The following GSG1L variants were observed in gnomAD, a reference collection of about 807,000 sequenced individuals.
GSG1L encodes the protein GSG1 like.
In GSG1L, 24 loss-of-function variants were observed where a neutral mutation model predicts 42.1. The observed-to-expected ratio is 0.57, with a 90% CI of 0.41 to 0.80. The LOEUF (loss-of-function observed/expected upper bound fraction) is 0.80. GSG1L is among the 30% of genes least tolerant of loss of function. GSG1L has a pLI of 0.00. For missense variants in GSG1L, 445 were observed against 472.2 expected, an observed-to-expected ratio of 0.94 and a Z score of 0.53; for synonymous variants, 215 against 203.5, an observed-to-expected ratio of 1.06 and a Z score of -0.48.
chr16:27,805,980 T>TG (rs1203851391), intron 6 of GSG1L, among the ~76,000 whole-genome samples: 1 of 151,930 alleles, frequency 6.6e-6, no homozygotes, highest in African/African-American at 2.4e-5. Flanking sequence ...GCAGGGAGCC[T>TG]GGGGAGGCTC....
At chr16:28,037,732 A>G (rs1330653514) in intron 1 of GSG1L, among the ~76,000 whole-genome samples, 1 of 152,238 alleles carries the variant, frequency 6.6e-6, no homozygotes, top group East Asian at 1.9e-4. Flanking sequence ...ATCAAATTGC[A>G]ATGGACCAAA....
intron 2 of GSG1L, among the ~76,000 whole-genome samples, chr16:27,905,981 G>A (rs2141046897): frequency 6.6e-6 from 1 of 152,174 alleles, no homozygotes; most frequent in South Asian, 2.1e-4. Flanking sequence ...TCATCTGGGA[G>A]GCACCCACAA....
At chr16:27,823,586 A>G (rs560052518) in intron 5 of GSG1L, among the ~76,000 whole-genome samples, 72 of 152,240 alleles carry the variant, frequency 4.7e-4, no homozygotes, top group South Asian at 1.9e-3. Context: ...GGGCTCCAGA[A>G]AGCCCTCTCC....
At chr16:28,004,674 A>C (rs1425696974) in intron 1 of GSG1L, among the ~76,000 whole-genome samples, 1 of 152,072 alleles carries the variant, frequency 6.6e-6, no homozygotes, top group Non-Finnish European at 1.5e-5. Context: ...ACTACTCAGT[A>C]GGCTGGGGCA....
intron 6 of GSG1L, among the ~76,000 whole-genome samples, chr16:27,804,037 G>GGATAGATAGATACAGATATAGATA (rs1455236652): frequency 1.5e-5 from 2 of 132,676 alleles, no homozygotes; most frequent in African/African-American, 6.2e-5. Context: ...TAGATTAGAT[G>GGATAGATAGATACAGATATAGATA]GATAGATAGA....
chr16:28,051,957 A>G (rs1205626461), intron 1 of GSG1L, among the ~76,000 whole-genome samples: 1 of 152,158 alleles, frequency 6.6e-6, no homozygotes, highest in East Asian at 1.9e-4. Flanking sequence ...GGAGTCATCC[A>G]GGCCAGAGAC....
chr16:27,881,145 C>G (rs1300172651), intron 3 of GSG1L, among the ~76,000 whole-genome samples: 1 of 151,092 alleles, frequency 6.6e-6, no homozygotes, highest in African/African-American at 2.4e-5. Context: ...ATACAGCTAG[C>G]AATATATTCA....
intron 5 of GSG1L, among the ~76,000 whole-genome samples, chr16:27,817,545 C>T (rs953091678): frequency 3.0e-4 from 45 of 151,938 alleles, no homozygotes; most frequent in African/African-American, 1.0e-3. Context: ...GCCTGGAGTG[C>T]GGTGGAGCAA....
chr16:28,060,815 A>G (rs528693657), intron 1 of GSG1L, among the ~76,000 whole-genome samples: 1 of 152,356 alleles, frequency 6.6e-6, no homozygotes, highest in Admixed American at 6.5e-5. Flanking sequence ...GGACCTGGTG[A>G]ACGTTAAAGG....
intron 3 of GSG1L, among the ~76,000 whole-genome samples, chr16:27,850,021 G>A (rs1194995757): frequency 1.7e-5 from 1 of 60,192 alleles, no homozygotes; most frequent in African/African-American, 9.3e-5. Flanking sequence ...CATTTGAAAT[G>A]CCTTTTTTTT....
chr16:27,903,266 G>A (rs992759587), intron 2 of GSG1L, among the ~76,000 whole-genome samples: 3 of 152,040 alleles, frequency 2.0e-5, no homozygotes, highest in Admixed American at 6.6e-5. Context: ...GAAGCCTCCC[G>A]CCAGGGAGCA....
intron 1 of GSG1L, among the ~76,000 whole-genome samples, chr16:27,986,013 T>C (rs2085377448): frequency 6.6e-6 from 1 of 152,182 alleles, no homozygotes; most frequent in African/African-American, 2.4e-5. Context: ...CTCTTTTGCA[T>C]TGCTTTCTCC....
chr16:27,879,017 G>A (rs939591877), intron 3 of GSG1L, among the ~76,000 whole-genome samples: 9 of 151,698 alleles, frequency 5.9e-5, no homozygotes, highest in African/African-American at 9.7e-5. Flanking sequence ...AGAGGGAGGA[G>A]GAATTTGATC....
intron 2 of GSG1L, among the ~76,000 whole-genome samples, chr16:27,956,205 A>G (rs959728437): frequency 1.3e-5 from 2 of 152,244 alleles, no homozygotes; most frequent in African/African-American, 4.8e-5. Context: ...AAGTTGGCCA[A>G]AGTCTGTGCA....
At position 28,044,238 on chromosome 16, in the gene GSG1L, A is replaced by T. The variant is rs536588404; in HGVS notation, c.349+18838T>A. Among the ~76,000 whole-genome samples the T allele has an allele frequency of 2.0e-5, 3 of 149,386 alleles. No individual in the cohort carries two copies. The East Asian group carries it at 6.1e-4, about 31-fold the overall frequency. ...CTAAAGTCACACAAATTAGCCAGGC[A>T]TGGTGGCACACGCCTGTAATCCCAG... On this transcript the variant is annotated intron_variant, in intron 1 of 6. Transcript: ENST00000447459.
chr16:27,897,855 G>A (rs2084209650), intron 2 of GSG1L, among the ~76,000 whole-genome samples: 1 of 152,168 alleles, frequency 6.6e-6, no homozygotes, highest in Admixed American at 6.5e-5. Flanking sequence ...AATCTCACAG[G>A]ATTTTCTGGG....
At position 28,063,289 on chromosome 16, in the gene GSG1L, G is replaced by T. The variant is rs1357690576; in HGVS notation, c.136C>A (p.Gln46Lys). Reference sequence around the variant, plus strand: ...TTGGGGCAGTTGGCGCGCCCGCCCTGGCCGCAGCCCGGCTTGGGGACCCGC... The same window carrying T: ...TTGGGGCAGTTGGCGCGCCCGCCCTTGCCGCAGCCCGGCTTGGGGACCCGC... ...TQRVPKPGCGQGGRANCPNSG... is the reference protein window; with the variant it reads ...TQRVPKPGCGKGGRANCPNSG... Residue 46 changes from glutamine (Q) to lysine (K), a missense_variant, in exon 1 of 7, where the codon CAG becomes AAG. By Grantham distance (53) the Gln-to-Lys change is moderately conservative (BLOSUM62 1). This residue lies in a region of GSG1L where 156 missense variants were observed against 128.3 expected (regional missense o/e 1.22). Coordinates refer to ENST00000447459, the MANE Select transcript of GSG1L (RefSeq NM_001109763.2). This position sits in a 1 kb window ranked among gnomAD's most constrained non-coding sequence, Gnocchi z 5.8. 15 of 1,375,768 alleles carry T rather than the reference G, an allele frequency of 1.1e-5. No individual in the cohort carries two copies. The highest frequency in any genetic ancestry group is 1.1e-5 in the Non-Finnish European group (12 of 1,055,502). The allele number at this position is 1,375,768 out of a possible 1,614,324, so 85.2% of individuals were successfully genotyped here. A position where few individuals can be genotyped will look rare whatever the true frequency, so the allele number is the denominator to read the frequency against.
chr16:27,939,563 G>A (rs1484051377), intron 2 of GSG1L, among the ~76,000 whole-genome samples: 3 of 152,164 alleles, frequency 2.0e-5, no homozygotes, highest in African/African-American at 7.2e-5. Flanking sequence ...TCAGCAGAGA[G>A]GCAGCTCAGG....
At chr16:27,995,572 C>T (rs1485975177) in intron 1 of GSG1L, among the ~76,000 whole-genome samples, 2 of 152,104 alleles carry the variant, frequency 1.3e-5, no homozygotes, top group African/African-American at 4.8e-5. Context: ...ACCACAGGGA[C>T]ACACTTCTAT....
Sources: allele counts gnomAD v4.1 joint callset (sites outside exome capture counted in the v4.1 genomes callset), GRCh38; gene constraint gnomAD v4.1.1; regional missense constraint gnomAD v4.1.1; non-coding constraint Gnocchi (gnomAD v3.1); transcripts MANE v1.5; gene names NCBI Gene and HGNC (gene_info 2026-07-23, HGNC 2026-07-21).